FNIP1: variants seen among roughly 807,000 people sequenced by gnomAD.
FNIP1 encodes the protein folliculin-interacting protein 1.
A neutral mutation model predicts 124.5 loss-of-function variants in FNIP1; 40 were observed. The observed-to-expected ratio is 0.32, with a 90% CI of 0.25 to 0.42. FNIP1 has a LOEUF of 0.42. Ranked by LOEUF, FNIP1 falls within the 10% of genes least tolerant of loss-of-function variation. The pLI, the probability that FNIP1 is intolerant of heterozygous loss-of-function variation, is 1.00. For synonymous variants in FNIP1, 472 were observed against 470.6 expected, an observed-to-expected ratio of 1.00 and a Z score of -0.04; for missense variants, 1,176 against 1,403.7, an observed-to-expected ratio of 0.84 and a Z score of 2.59.
chr5:131,697,584 T>C (rs1420547342), intron 11 of FNIP1, among the ~76,000 whole-genome samples: 3 of 152,124 alleles, frequency 2.0e-5, no homozygotes, highest in Non-Finnish European at 4.4e-5. Flanking sequence ...AAACACTAAA[T>C]TTAAAAAGTA....
rs1224427117 is a variant in FNIP1, at chr5:131,702,427, T to C, written c.1116+1638A>G. 3.3e-5 allele frequency among the ~76,000 whole-genome samples: 5 copies of C among 152,092 alleles called. No individual in the cohort carries two copies. The East Asian group carries it at 9.7e-4, about 29-fold the overall frequency. ...TTAAATGGGCATATAATTTGAAAAA[T>C]GTAGACACAGCACAATCCCTACCAA... On this transcript the variant is annotated intron_variant, in intron 10 of 17. Transcript: ENST00000510461.
At chr5:131,736,059 GC>G (rs1770293149) in intron 2 of FNIP1, among the ~76,000 whole-genome samples, 1 of 152,060 alleles carries the variant, frequency 6.6e-6, no homozygotes, top group Admixed American at 6.6e-5. Context: ...ACAGGTGTGA[GC>G]CACTGCATTC....
Position 131,692,640 on chromosome 5 carries a change from T to C in FNIP1, c.1202+6277A>G, listed in dbSNP as rs568350547. Among the ~76,000 whole-genome samples, 26 of 152,272 alleles carry C rather than the reference T, an allele frequency of 1.7e-4. No homozygotes were observed. In the South Asian group the frequency reaches 3.9e-3, roughly 23 times the overall value. On this transcript the variant is annotated intron_variant, in intron 11 of 17. Coordinates refer to ENST00000510461, the MANE Select transcript of FNIP1 (RefSeq NM_133372.3). ...AACAAAGTTGGAGGACTGATACTAC[T>C]GAACTTCAAGATTTACTATAAAGAT... is the stretch of plus-strand genomic sequence containing the variant.
intron 1 of FNIP1, 194 bp downstream of exon 1, chr5:131,796,636 G>A (rs1348137914): frequency 1.7e-6 from 1 of 578,028 alleles, no homozygotes; most frequent in Non-Finnish European, 3.0e-6. Flanking sequence ...GAGGCGGGTG[G>A]GGTAAAATAA....
intron 11 of FNIP1, among the ~76,000 whole-genome samples, chr5:131,691,961 ATGTGTCCTCTCACAAC>A (rs1405623383): frequency 6.6e-6 from 1 of 152,150 alleles, no homozygotes; most frequent in East Asian, 1.9e-4. Context: ...CAAGGTCAAG[ATGTGTCCTCTCACAAC>A]TCTCATTCAA....
At chr5:131,687,681 G>C (rs918673289) in intron 11 of FNIP1, among the ~76,000 whole-genome samples, 19 of 152,160 alleles carry the variant, frequency 1.2e-4, no homozygotes, top group African/African-American at 3.9e-4. Flanking sequence ...TGACAACTGA[G>C]ATCAAGTTAC....
chr5:131,725,335 A>G (rs996748338), intron 3 of FNIP1, among the ~76,000 whole-genome samples: 4 of 152,262 alleles, frequency 2.6e-5, no homozygotes, highest in African/African-American at 9.6e-5. Context: ...ATCCATAAGC[A>G]TGAAATGTTC....
At chr5:131,733,244 G>T (rs1016027987) in intron 2 of FNIP1, among the ~76,000 whole-genome samples, 7 of 152,174 alleles carry the variant, frequency 4.6e-5, no homozygotes, top group African/African-American at 1.4e-4. Context: ...GACGAGGGGT[G>T]TTCTAGATAC....
chr5:131,763,961 G>A (rs1350187045), intron 1 of FNIP1, among the ~76,000 whole-genome samples: 1 of 152,096 alleles, frequency 6.6e-6, no homozygotes, highest in African/African-American at 2.4e-5. Flanking sequence ...GAGCCTGGAG[G>A]GAGGTGACTG....
chr5:131,678,964 C>T, intron 12 of FNIP1, 65 bp downstream of exon 12: 1 of 1,078,034 alleles, frequency 9.3e-7, no homozygotes, highest in Admixed American at 2.7e-5. Context: ...ATGGATGATT[C>T]TTCCACATCT....
intron 9 of FNIP1, 37 bp downstream of exon 9, chr5:131,706,368 AGGAACT>A: frequency 6.7e-7 from 1 of 1,493,926 alleles, no homozygotes; most frequent in Non-Finnish European, 9.0e-7. Flanking sequence ...ATTGTGTTTA[AGGAACT>A]ACTCAATCTT....
rs1580771893 is a variant in FNIP1 at position 131,706,491 on chromosome 5, G to A, written c.834C>T (p.Thr278=). 3.7e-6 allele frequency: 6 copies of A among 1,613,236 alleles called. No homozygotes were observed. The African/African-American group carries it at 5.3e-5, about 14-fold the overall frequency. Reference sequence around the variant, plus strand: ...GCTGGTAGCTGCTGGCACAACTTCGGGTAAGTGAGGAGTTTGGGGAAGGAA... The same window carrying A: ...GCTGGTAGCTGCTGGCACAACTTCGAGTAAGTGAGGAGTTTGGGGAAGGAA... ...TPFPSPNSSL[T]RSCASSYQRR... The change falls in exon 9 of 18, where the codon ACC becomes ACT. Residue 278 remains threonine (T), a synonymous_variant. Transcript: ENST00000510461.
intron 6 of FNIP1, among the ~76,000 whole-genome samples, chr5:131,712,292 T>G (rs1769320077): frequency 6.6e-6 from 1 of 152,196 alleles, no homozygotes; most frequent in Non-Finnish European, 1.5e-5. Context: ...AATTTCATGC[T>G]CCTTATAACT....
intron 9 of FNIP1, among the ~76,000 whole-genome samples, chr5:131,705,797 ATG>A (rs1220559523): frequency 6.6e-6 from 1 of 152,196 alleles, no homozygotes; most frequent in Non-Finnish European, 1.5e-5. Flanking sequence ...TTGCACACTC[ATG>A]TTCAGAGCGG....
In FNIP1 at chr5:131,643,572, A is replaced by C. The variant is rs1213381529; in HGVS notation, c.*1113T>G. 1 of 152,798 alleles carries C rather than the reference A, an allele frequency of 6.5e-6. No individual in the cohort carries two copies. Among genetic ancestry groups the C allele is most frequent in the Non-Finnish European group, 1.5e-5 (1 of 68,030 alleles). 9.5% of individuals were successfully genotyped at this position (152,798 alleles called of 1,614,324 possible). A position where few individuals can be genotyped will look rare whatever the true frequency, so the allele number is the denominator to read the frequency against. ...GCCTTTCTTACAAGCAACACTCTAT[A>C]GTATGTACAAAGGCAACAATTGAGA... On this transcript the variant is annotated 3_prime_UTR_variant, in exon 18 of 18. Transcript: ENST00000510461.
intron 1 of FNIP1, among the ~76,000 whole-genome samples, chr5:131,757,720 T>C (rs1771094456): frequency 6.6e-6 from 1 of 151,130 alleles, no homozygotes; most frequent in Non-Finnish European, 1.5e-5. Context: ...AAAGGCAGCA[T>C]AGGCATTATT....
At chr5:131,695,099 T>C (rs1255413781) in intron 11 of FNIP1, among the ~76,000 whole-genome samples, 1 of 137,920 alleles carries the variant, frequency 7.3e-6, no homozygotes, top group Admixed American at 8.1e-5. Flanking sequence ...AGTGAGACAC[T>C]GTCTCAAATA....
At chr5:131,715,815 A>G (rs978065405) in intron 6 of FNIP1, among the ~76,000 whole-genome samples, 8 of 151,906 alleles carry the variant, frequency 5.3e-5, no homozygotes, top group Non-Finnish European at 1.0e-4. Context: ...GGAAGAAAAA[A>G]CTTTTCTACT....
At chr5:131,788,744 C>T (rs1253695321) in intron 1 of FNIP1, among the ~76,000 whole-genome samples, 2 of 145,388 alleles carry the variant, frequency 1.4e-5, no homozygotes, top group Non-Finnish European at 3.0e-5. Context: ...TCATAAACTA[C>T]ACTTTAAAGC....
Sources: gnomAD v4.1 joint callset for allele counts (sites outside exome capture counted in the v4.1 genomes callset) on GRCh38, gnomAD v4.1.1 for gene constraint, MANE v1.5 for transcripts, NCBI Gene and HGNC (gene_info 2026-07-23, HGNC 2026-07-21) for gene names.